Variants in ARID4A observed in about 807,000 individuals in gnomAD.
ARID4A encodes the protein AT-rich interactive domain-containing protein 4A.
ARID4A carries 39 observed loss-of-function variants against 148.6 expected under a neutral mutation model. The observed-to-expected ratio is 0.26, with a 90% confidence interval of 0.20 to 0.34. The LOEUF is 0.34. Among genes scored for constraint, ARID4A ranks in the 10% least tolerant of loss-of-function variants. The probability of loss-of-function intolerance (pLI) is 1.00; values close to 1 mark genes in which losing one functional copy is unlikely to be tolerated. For synonymous variants in ARID4A, 475 were observed against 481.2 expected, an observed-to-expected ratio of 0.99 and a Z score of 0.17; for missense variants, 1,265 against 1,449.1, an observed-to-expected ratio of 0.87 and a Z score of 2.06.
At chr14:58,333,080 G>A (rs2033621404) in intron 11 of ARID4A, among the ~76,000 whole-genome samples, 1 of 151,986 alleles carries the variant, frequency 6.6e-6, no homozygotes, top group Non-Finnish European at 1.5e-5. Context: ...CCTAAGTATT[G>A]GTAGTTCAGG....
rs2034620524 is a variant in ARID4A at position 58,351,147 on chromosome 14, A to G, written c.1479A>G (p.Leu493=). The G allele has an allele frequency of 6.2e-7, 1 of 1,606,930 alleles. No individual in the cohort carries two copies. Among genetic ancestry groups the G allele is most frequent in the Admixed American group, 1.7e-5 (1 of 58,518 alleles). The change falls in exon 16 of 24, where the codon TTA becomes TTG. Residue 493 remains leucine, a synonymous_variant. Coordinates refer to ENST00000355431, the MANE Select transcript of ARID4A (RefSeq NM_002892.4). ...EIEEEKTEDK[L]KDNDTENKDV... is the part of the protein sequence containing the mutation. ...AAGAAGAGAAAACAGAAGACAAATT[A>G]AAAGATAATGATACAGAAAATAAGG...
chr14:58,337,240 CTTTA>C (rs921301021), intron 11 of ARID4A, among the ~76,000 whole-genome samples: 3 of 49,618 alleles, frequency 6.0e-5, no homozygotes, highest in Admixed American at 2.3e-4. Context: ...AGAACCTTCT[CTTTA>C]TTTATATATA....
intron 5 of ARID4A, among the ~76,000 whole-genome samples, chr14:58,308,916 T>C (rs1200203688): frequency 6.6e-6 from 1 of 152,242 alleles, no homozygotes; most frequent in Non-Finnish European, 1.5e-5. Context: ...ATTGCTGGTT[T>C]GGATCAAATA....
rs749237229 is a variant in ARID4A, at chr14:58,366,982, C to A, written c.3623C>A (p.Ala1208Glu). 6.6e-7 allele frequency: 1 copy of A among 1,511,754 alleles called. No individual in the cohort carries two copies. The highest frequency in any genetic ancestry group is 1.4e-5 in the South Asian group (1 of 70,892). 93.6% of individuals were successfully genotyped at this position (1,511,754 alleles called of 1,614,324 possible). The change falls in exon 23 of 24, where the codon GCA becomes GAA. Residue 1208 changes from alanine (A) to glutamate (E), a missense_variant. Around this residue, in one of 9 missense-constraint regions of ARID4A, gnomAD observed 666 missense variants for 730.9 expected, o/e 0.91. Coordinates refer to ENST00000355431, the MANE Select transcript of ARID4A (RefSeq NM_002892.4). ...TATATGTCTTTGAAGTCTGAAGTTG[C>A]AACCATAGACAGGAGGAGAAAAAGA... is the stretch of plus-strand genomic sequence containing the variant. ...KYYMSLKSEV[A>E]TIDRRRKRLK...
chr14:58,344,577 T>C (rs2034265551), intron 11 of ARID4A, 118 bp from the exon 12 acceptor site: 7 of 667,160 alleles, frequency 1.0e-5, no homozygotes, highest in Non-Finnish European at 1.8e-5. Flanking sequence ...TTGAGAAAAT[T>C]CAGATTTTTC....
chr14:58,360,597 T>C (rs2035092358), intron 18 of ARID4A, among the ~76,000 whole-genome samples: 1 of 152,192 alleles, frequency 6.6e-6, no homozygotes, highest in African/African-American at 2.4e-5. Context: ...AAGCTCTAAC[T>C]GACCATCACA....
chr14:58,353,926 T>G, intron 17 of ARID4A, 71 bp downstream of exon 17: 1 of 1,348,964 alleles, frequency 7.4e-7, no homozygotes, highest in Non-Finnish European at 1.0e-6. Flanking sequence ...CTTAATGTTA[T>G]GAAGAGTGAA....
intron 6 of ARID4A, 28 bp downstream of exon 6, chr14:58,318,649 A>G (rs774596591): frequency 6.2e-7 from 1 of 1,613,648 alleles, no homozygotes; most frequent in Admixed American, 1.7e-5. Flanking sequence ...GACGATTTGG[A>G]TTGAACTACA....
At chr14:58,308,287 A>G (rs977587538) in intron 5 of ARID4A, among the ~76,000 whole-genome samples, 1 of 152,258 alleles carries the variant, frequency 6.6e-6, no homozygotes, top group Non-Finnish European at 1.5e-5. Context: ...ATTAGTGGAC[A>G]TAAGAATCAC....
At chr14:58,314,488 C>A (rs2032272012) in intron 5 of ARID4A, among the ~76,000 whole-genome samples, 1 of 152,146 alleles carries the variant, frequency 6.6e-6, no homozygotes, top group Admixed American at 6.5e-5. Flanking sequence ...ACTGCAGTGG[C>A]AATTATAGCT....
intron 3 of ARID4A, among the ~76,000 whole-genome samples, chr14:58,302,983 T>A (rs551075711): frequency 7.6e-4 from 115 of 152,222 alleles, no homozygotes; most frequent in African/African-American, 2.7e-3. Context: ...TTTTTTAAGA[T>A]GCTTTTACTC....
chr14:58,363,792 C>G (rs2035235402), intron 19 of ARID4A, among the ~76,000 whole-genome samples: 1 of 152,162 alleles, frequency 6.6e-6, no homozygotes, highest in African/African-American at 2.4e-5. Context: ...TGCCCATCAT[C>G]TGTCCTTCCT....
intron 15 of ARID4A, among the ~76,000 whole-genome samples, chr14:58,350,650 T>TAAA (rs2034595556): frequency 6.6e-6 from 1 of 152,218 alleles, no homozygotes; most frequent in Non-Finnish European, 1.5e-5. Flanking sequence ...ACAGAGCCTT[T>TAAA]AAAGAAGCAA....
At chr14:58,337,404 A>G (rs996697597) in intron 11 of ARID4A, among the ~76,000 whole-genome samples, 1 of 151,640 alleles carries the variant, frequency 6.6e-6, no homozygotes, top group East Asian at 1.9e-4. Flanking sequence ...CTACCAGTAT[A>G]TATACCTAAC....
chr14:58,327,194 GT>G, intron 8 of ARID4A, among the ~76,000 whole-genome samples: 1 of 152,270 alleles, frequency 6.6e-6, no homozygotes, highest in East Asian at 1.9e-4. Context: ...CATTTCAAGT[GT>G]TTAGCACCAT....
intron 8 of ARID4A, among the ~76,000 whole-genome samples, chr14:58,327,219 A>G (rs1212498628): frequency 6.6e-6 from 1 of 152,216 alleles, no homozygotes; most frequent in Admixed American, 6.5e-5. Flanking sequence ...ACTCACTGCT[A>G]CTGTATAGGG....
In ARID4A at chr14:58,356,282, GAT is replaced by G; in HGVS notation, c.1853+2429_1853+2430del. On this transcript the variant is annotated intron_variant, in intron 17 of 23. Transcript: ENST00000355431. ...TTGTCTGATACCTCCTATGGAATTG[GAT>G]AGAGTTATCCCTTTGTTAGCCCTGG... Among the ~76,000 whole-genome samples the G allele has an allele frequency of 2.6e-5, 4 of 152,290 alleles. 1 individual carries two copies.
chr14:58,358,293 A>ACC (rs1391446183), intron 17 of ARID4A, among the ~76,000 whole-genome samples: 1 of 151,950 alleles, frequency 6.6e-6, no homozygotes, highest in Non-Finnish European at 1.5e-5. Context: ...ACATGGCGAA[A>ACC]CCCCGTCTCT....
intron 1 of ARID4A, among the ~76,000 whole-genome samples, chr14:58,298,939 T>C (rs1284471141): frequency 1.3e-5 from 2 of 151,988 alleles, no homozygotes; most frequent in African/African-American, 2.4e-5. Flanking sequence ...CCCGGGAAAA[T>C]GGCTGTGGGG....
Sources: allele counts gnomAD v4.1 joint callset (sites outside exome capture counted in the v4.1 genomes callset), GRCh38; gene constraint gnomAD v4.1.1; regional missense constraint gnomAD v4.1.1; transcripts MANE v1.5; gene names NCBI Gene and HGNC (gene_info 2026-07-23, HGNC 2026-07-21).